The following PABPN1L variants were observed in gnomAD, a reference collection of about 807,000 sequenced individuals.
PABPN1L encodes the protein PABPN1 like, cytoplasmic.
Under a neutral mutation model 34.0 loss-of-function variants are expected in PABPN1L, and 45 were observed. That is an observed-to-expected ratio of 1.32 (90% CI 1.04 to 1.70). The LOEUF (loss-of-function observed/expected upper bound fraction) is 1.70. Ranked by LOEUF, PABPN1L falls within the 40% of genes most tolerant of loss-of-function variation. The pLI is 0.00. For missense variants in PABPN1L, 459 were observed against 367.8 expected, an observed-to-expected ratio of 1.25 and a Z score of -2.03; for synonymous variants, 182 against 152.1, an observed-to-expected ratio of 1.20 and a Z score of -1.45.
At chr16:88,866,709 G>A (rs1968613171), upstream of PABPN1L, 6 of 1,408,616 alleles carry the variant, frequency 4.3e-6, no homozygotes, top group Middle Eastern at 2.6e-4. Context: ...CCTCCCCTGA[G>A]GCCAGCTGCT....
Position 88,866,124 on chromosome 16 carries a change from G to A in PABPN1L, c.256-183C>T, listed in dbSNP as rs541546842. On this transcript the variant is annotated intron_variant, in intron 1 of 6. Coordinates refer to ENST00000419291, the Ensembl canonical transcript of PABPN1L. ...AACTCGCCCCTGCAGAGAAGCCCCC[G>A]AAACCGCACCTCAAGGGCCCTTCCC... Among the ~76,000 whole-genome samples, 11 of 152,330 alleles carry A rather than the reference G, an allele frequency of 7.2e-5. No individual in the cohort carries two copies. The South Asian group carries it at 1.2e-3, about 17-fold the overall frequency.
chr16:88,867,248 G>T (rs567987605), upstream of PABPN1L, among the ~76,000 whole-genome samples: 1 of 149,864 alleles, frequency 6.7e-6, no homozygotes, highest in East Asian at 2.0e-4. Flanking sequence ...TTTTTTTTAG[G>T]CAGGAGTCTT....
upstream of PABPN1L, among the ~76,000 whole-genome samples, chr16:88,869,742 C>T (rs758168628): frequency 6.6e-6 from 1 of 152,266 alleles, no homozygotes; most frequent in Non-Finnish European, 1.5e-5. Context: ...GGCCCTGACG[C>T]ATGCCCCTCT....
upstream of PABPN1L, among the ~76,000 whole-genome samples, chr16:88,868,736 G>C (rs1300165781): frequency 6.6e-6 from 1 of 152,206 alleles, no homozygotes; most frequent in African/African-American, 2.4e-5. Flanking sequence ...GCGTTCCTTT[G>C]AATCTCTGAT....
chr16:88,869,160 C>T (rs776534549), upstream of PABPN1L, among the ~76,000 whole-genome samples: 14 of 152,178 alleles, frequency 9.2e-5, no homozygotes, highest in Non-Finnish European at 1.6e-4. Context: ...TTTTAGGTCC[C>T]GAAATTCTGT....
exon 7 of PABPN1L, chr16:88,863,763 G>A (rs1968505970): frequency 3.3e-6 from 5 of 1,535,934 alleles, no homozygotes; most frequent in Non-Finnish European, 3.5e-6. Flanking sequence ...CCTTTAATAC[G>A]GTGAAAACCA....
At chr16:88,865,291 G>A (rs534014422) in intron 3 of PABPN1L, among the ~76,000 whole-genome samples, 163 bp from the exon 4 acceptor site, 2 of 151,650 alleles carry the variant, frequency 1.3e-5, no homozygotes, top group Admixed American at 1.3e-4. Context: ...AGAGAGGAAA[G>A]GATATCTCGT....
chr16:88,865,498 C>G, intron 3 of PABPN1L, 65 bp downstream of exon 3: 1 of 1,563,160 alleles, frequency 6.4e-7, no homozygotes. Flanking sequence ...TGGCCGGGCG[C>G]CAGACCCTCT....
rs1351050919 is a variant in PABPN1L, at chr16:88,864,236, C to T, written c.797+1G>A. ...GGCTGCCCCCACAGGCACCCACTCACCGGTTCTGCCCTTGTGGTCTGAGCC... is the reference window on the plus strand; with the variant it reads ...GGCTGCCCCCACAGGCACCCACTCATCGGTTCTGCCCTTGTGGTCTGAGCC... On this transcript the variant is annotated splice_donor_variant, in intron 6 of 6. Coordinates refer to ENST00000419291, the Ensembl canonical transcript of PABPN1L. LOFTEE classifies it high-confidence loss of function. The T allele has an allele frequency of 1.3e-6, 2 of 1,529,400 alleles. No homozygotes were observed. The highest frequency in any genetic ancestry group is 3.9e-5 in the Admixed American group (2 of 51,924). The allele number at this position is 1,529,400 out of a possible 1,614,324, so 94.7% of individuals were successfully genotyped here.
chr16:88,865,909 G>C, exon 2 of PABPN1L: 2 of 1,609,140 alleles, frequency 1.2e-6, no homozygotes, highest in Non-Finnish European at 1.7e-6. Flanking sequence ...CCTGCTCCAT[G>C]GCACACACCT....
intron 1 of PABPN1L, 85 bp from the exon 2 acceptor site, chr16:88,866,026 G>A (rs1968584410): frequency 6.8e-7 from 1 of 1,469,212 alleles, no homozygotes; most frequent in East Asian, 2.5e-5. Flanking sequence ...AGCTCCAGCA[G>A]AGGGTCACAG....
At chr16:88,867,570 AATT>A (rs1421907019), upstream of PABPN1L, among the ~76,000 whole-genome samples, 2 of 151,844 alleles carry the variant, frequency 1.3e-5, no homozygotes, top group Non-Finnish European at 2.9e-5. Context: ...ATGAGGCCAG[AATT>A]ATTCTGCTGT....
intron 6 of PABPN1L, 58 bp from the exon 7 acceptor site, chr16:88,863,853 C>T (rs1968509370): frequency 2.0e-6 from 3 of 1,492,454 alleles, no homozygotes; most frequent in East Asian, 2.5e-5. Context: ...GGTGGTGGCC[C>T]AGGGCCCCGG....
exon 5 of PABPN1L, chr16:88,864,890 T>C: frequency 6.7e-7 from 1 of 1,496,748 alleles, no homozygotes; most frequent in Middle Eastern, 1.9e-4. Context: ...CTGGTCCAGC[T>C]CCACGGCGGC....
At chr16:88,863,965 G>A (rs77250061) in intron 6 of PABPN1L, among the ~76,000 whole-genome samples, 170 bp from the exon 7 acceptor site, 4,307 of 152,266 alleles carry the variant, frequency 0.028, 81 homozygotes, top group Non-Finnish European at 0.046. Context: ...AGGGTCCCAC[G>A]AAAAGGAAAG....
chr16:88,868,554 C>T (rs8054682), upstream of PABPN1L, among the ~76,000 whole-genome samples: 9,591 of 151,990 alleles, frequency 0.063, 581 homozygotes, highest in African/African-American at 0.16. Context: ...TGCAGTGAGC[C>T]GAGATCGCGC....
chr16:88,863,916 C>G, intron 6 of PABPN1L, 121 bp from the exon 7 acceptor site: 1 of 1,059,414 alleles, frequency 9.4e-7, no homozygotes, highest in Non-Finnish European at 1.4e-6. Context: ...AGGCAATGCC[C>G]CAGGGGCCTT....
intron 5 of PABPN1L, among the ~76,000 whole-genome samples, 191 bp from the exon 6 acceptor site, chr16:88,864,570 AG>A (rs1218153947): frequency 2.3e-5 from 3 of 130,488 alleles, no homozygotes; most frequent in South Asian, 2.3e-4. Context: ...ACCCCTGCAG[AG>A]GGGGGGGTCA....
intron 1 of PABPN1L, 53 bp from the exon 2 acceptor site, chr16:88,865,994 G>A: frequency 6.6e-7 from 1 of 1,525,444 alleles, no homozygotes; most frequent in Non-Finnish European, 8.8e-7. Context: ...TCTGCTCAAG[G>A]AAGGTGGGTG....
Sources: gnomAD v4.1 joint callset for allele counts (sites outside exome capture counted in the v4.1 genomes callset) on GRCh38, gnomAD v4.1.1 for gene constraint, MANE v1.5 for transcripts, NCBI Gene and HGNC (gene_info 2026-07-23, HGNC 2026-07-21) for gene names.